TMEM151B: variants seen among roughly 807,000 people sequenced by gnomAD.
TMEM151B encodes the protein transmembrane protein 151B, also known as transmembrane protein 193.
Under a neutral mutation model 33.0 loss-of-function variants are expected in TMEM151B, and 18 were observed. The observed-to-expected ratio is 0.55, with a 90% confidence interval of 0.38 to 0.81. The LOEUF (loss-of-function observed/expected upper bound fraction) is 0.81, where lower values mean the gene tolerates loss of function less well. TMEM151B is among the 30% of genes least tolerant of loss of function. The probability of loss-of-function intolerance (pLI) is 0.00; values close to 1 mark genes in which losing one functional copy is unlikely to be tolerated. For missense variants in TMEM151B, 672 were observed against 843.4 expected (o/e 0.80, Z 2.52); for synonymous variants, 354 against 373.6 (o/e 0.95, Z 0.61).
intron 2 of TMEM151B, among the ~76,000 whole-genome samples, chr6:44,274,562 G>A (rs1782491613): frequency 6.6e-6 from 1 of 152,212 alleles, no homozygotes. Flanking sequence ...ACAGAAGCCT[G>A]GGGCGGGTGA....
rs1432302103 is a variant in TMEM151B at position 44,276,471 on chromosome 6, G to A, written c.1645G>A (p.Gly549Ser). The A allele has an allele frequency of 6.8e-7, 1 of 1,469,528 alleles. No homozygotes were observed. Among genetic ancestry groups the A allele is most frequent in the Non-Finnish European group, 9.0e-7 (1 of 1,110,628 alleles). The allele number at this position is 1,469,528 out of a possible 1,614,324, so 91.0% of individuals were successfully genotyped here. ...LIVHRQEGCL[G>S]HSHRPLHRHG... ...CGTCCACCGGCAGGAGGGGTGTCTGGGCCACAGCCACCGGCCGCTGCACCG... is the reference window on the plus strand; with the variant it reads ...CGTCCACCGGCAGGAGGGGTGTCTGAGCCACAGCCACCGGCCGCTGCACCG... Residue 549 changes from glycine (G) to serine (S), a missense_variant, in exon 3 of 3, where the codon GGC becomes AGC. Around this residue, in one of 3 missense-constraint regions of TMEM151B, gnomAD observed 324 missense variants for 363.1 expected, o/e 0.89. Coordinates refer to ENST00000451188, the MANE Select transcript of TMEM151B (RefSeq NM_001137560.2).
chr6:44,272,144 C>A (rs1225527038), intron 1 of TMEM151B, among the ~76,000 whole-genome samples: 8 of 152,122 alleles, frequency 5.3e-5, no homozygotes, highest in Non-Finnish European at 1.5e-5. Flanking sequence ...GTGCCAGGAG[C>A]TTTAACAGAC....
In TMEM151B at chr6:44,275,695, C is replaced by A; in HGVS notation, c.869C>A (p.Pro290Gln). Reference sequence around the variant, plus strand: ...GAGTTCATGGTGGCCTTCCCGGACCCGGCCCGGCCGCCCTGGTACGCCTGC... The same window carrying A: ...GAGTTCATGGTGGCCTTCCCGGACCAGGCCCGGCCGCCCTGGTACGCCTGC... ...FREFMVAFPD[P>Q]ARPPWYACSS... Residue 290 changes from proline (P) to glutamine (Q), a missense_variant, in exon 3 of 3, where the codon CCG becomes CAG. Pro to Gln is a moderately conservative substitution (Grantham distance 76). This residue lies in a region of TMEM151B where 285 missense variants were observed against 423.1 expected (regional missense o/e 0.67). Transcript: ENST00000451188. The A allele has an allele frequency of 6.4e-7, 1 of 1,550,718 alleles. No individual in the cohort carries two copies. The highest frequency in any genetic ancestry group is 1.2e-5 in the South Asian group (1 of 84,062).
intron 1 of TMEM151B, among the ~76,000 whole-genome samples, 163 bp from the exon 2 acceptor site, chr6:44,272,903 T>C (rs1782422745): frequency 6.6e-6 from 1 of 152,130 alleles, no homozygotes; most frequent in Non-Finnish European, 1.5e-5. Flanking sequence ...GGCCCCTGGC[T>C]CCCATCTTGG....
chr6:44,273,879 G>C lies in TMEM151B; in HGVS notation c.576+373G>C, dbSNP rs180758825. Among the ~76,000 whole-genome samples, 282 of 152,298 alleles carry C rather than the reference G, an allele frequency of 1.9e-3. 2 individuals are homozygous for C. The highest frequency in any genetic ancestry group is 6.4e-3 in the African/African-American group (265 of 41,570). Reference sequence around the variant, plus strand: ...GATGAGACTTGAACTCAATCAATCTGGCTCCAGGATCTCTATACTGTTTAG... The same window carrying C: ...GATGAGACTTGAACTCAATCAATCTCGCTCCAGGATCTCTATACTGTTTAG... On this transcript the variant is annotated intron_variant, in intron 2 of 2. Coordinates refer to ENST00000451188, the MANE Select transcript of TMEM151B (RefSeq NM_001137560.2).
Position 44,275,657 on chromosome 6 carries a change from C to A in TMEM151B, c.831C>A (p.Asn277Lys). 6.4e-7 allele frequency: 1 copy of A among 1,551,244 alleles called. No individual in the cohort carries two copies. Among genetic ancestry groups the A allele is most frequent in the Non-Finnish European group, 8.7e-7 (1 of 1,146,750 alleles). Residue 277 changes from asparagine (N) to lysine (K), a missense_variant, in exon 3 of 3, where the codon AAC (asparagine) becomes AAA (lysine). Transcript: ENST00000451188. ...MEAREGMHLK[N>K]VDFREFMVAF... ...CACGCGAGGGCATGCACCTCAAGAA[C>A]GTGGACTTCCGTGAGTTCATGGTGG...
At chr6:44,273,922 T>C (rs1377835713) in intron 2 of TMEM151B, among the ~76,000 whole-genome samples, 1 of 152,152 alleles carries the variant, frequency 6.6e-6, no homozygotes, top group Admixed American at 6.5e-5. Context: ...TGGATCTACT[T>C]AGTGATTAAT....
In TMEM151B at chr6:44,273,284, C is replaced by T. The variant is rs1226052237; in HGVS notation, c.354C>T (p.Ala118=). 1.3e-6 allele frequency: 2 copies of T among 1,551,824 alleles called. No individual in the cohort carries two copies. Among genetic ancestry groups the T allele is most frequent in the African/African-American group, 1.4e-5 (1 of 73,194 alleles). The change falls in exon 2 of 3, where the codon GCC becomes GCT. Residue 118 remains alanine (A), a synonymous_variant. Transcript: ENST00000451188. ...ACGGCTATGTCTACATCCCCCTGGC[C>T]TTCCTGCTCATGTTGTACGCCGTCT... The part of the protein sequence containing the change: ...CSNGYVYIPL[A]FLLMLYAVYL...
In TMEM151B at chr6:44,276,182, C is replaced by A; in HGVS notation, c.1356C>A (p.Ser452Arg). Reference protein sequence around the residue: ...SSSIFSRSALSICASPRAGPG... With the variant: ...SSSIFSRSALRICASPRAGPG... ...CTATCTTCTCGCGCAGCGCCCTAAG[C>A]ATCTGCGCCAGCCCGCGGGCCGGCC... is the stretch of plus-strand genomic sequence containing the variant. The change falls in exon 3 of 3, where the codon AGC becomes AGA. Residue 452 changes from serine to arginine, a missense_variant. This residue lies in a region of TMEM151B where 324 missense variants were observed against 363.1 expected (regional missense o/e 0.89). Transcript: ENST00000451188. 7.7e-7 allele frequency: 1 copy of A among 1,298,710 alleles called. No individual in the cohort carries two copies. Among genetic ancestry groups the A allele is most frequent in the Non-Finnish European group, 9.7e-7 (1 of 1,029,240 alleles). 80.4% of individuals were successfully genotyped at this position (1,298,710 alleles called of 1,614,324 possible).
In TMEM151B at chr6:44,272,119, A is replaced by G. The variant is rs1014357438; in HGVS notation, c.136-947A>G. Among the ~76,000 whole-genome samples, 4 of 152,098 alleles carry G rather than the reference A, an allele frequency of 2.6e-5. No individual in the cohort carries two copies. The South Asian group carries it at 8.3e-4, about 31-fold the overall frequency. On this transcript the variant is annotated intron_variant, in intron 1 of 2. Coordinates refer to ENST00000451188, the MANE Select transcript of TMEM151B (RefSeq NM_001137560.2). ...AGACATGTAAACAACTCCTGGGCCA[A>G]CCCTGGGACAGAATGTGCCAGGAGC...
At chr6:44,275,302 A>T (rs1038877680) in intron 2 of TMEM151B, 101 bp from the exon 3 acceptor site, 2 of 1,431,080 alleles carry the variant, frequency 1.4e-6, no homozygotes, top group African/African-American at 2.9e-5. Context: ...GGGTCCGACC[A>T]GGCAACCAGA....
At position 44,276,454 on chromosome 6, in the gene TMEM151B, G is replaced by A. The variant is rs1011340673; in HGVS notation, c.1628G>A (p.Arg543Gln). Reference sequence around the variant, plus strand: ...TACTTTCCGGTCCTCATCGTCCACCGGCAGGAGGGGTGTCTGGGCCACAGC... The same window carrying A: ...TACTTTCCGGTCCTCATCGTCCACCAGCAGGAGGGGTGTCTGGGCCACAGC... ...ALYFPVLIVH[R>Q]QEGCLGHSHR... Residue 543 changes from arginine (R) to glutamine (Q), a missense_variant, in exon 3 of 3, where the codon CGG becomes CAG. By Grantham distance (43) the Arg-to-Gln change is conservative (BLOSUM62 1). Coordinates refer to ENST00000451188, the MANE Select transcript of TMEM151B (RefSeq NM_001137560.2). 37 of 1,487,508 alleles carry A rather than the reference G, an allele frequency of 2.5e-5. No individual in the cohort carries two copies. In the East Asian group the frequency reaches 9.9e-4, roughly 40 times the overall value. 92.1% of individuals were successfully genotyped at this position (1,487,508 alleles called of 1,614,324 possible). A position where few individuals can be genotyped will look rare whatever the true frequency, so the allele number is the denominator to read the frequency against.
rs557789408 is a variant in TMEM151B, at chr6:44,275,484, A to G, written c.658A>G (p.Thr220Ala). 1.3e-6 allele frequency: 2 copies of G among 1,549,286 alleles called. No homozygotes were observed. Among genetic ancestry groups the G allele is most frequent in the African/African-American group, 2.7e-5 (2 of 73,132 alleles). The change falls in exon 3 of 3, where the codon ACG becomes GCG. Residue 220 changes from threonine to alanine, a missense_variant. This residue lies in a region of TMEM151B where 285 missense variants were observed against 423.1 expected (regional missense o/e 0.67). Transcript: ENST00000451188. ...CTGCGGCGTTCGCGACGTGTCCAAG[A>G]CGCTGGTGGGGCTGGAGGGCGCGCC... Reference protein sequence around the residue: ...ARCGVRDVSKTLVGLEGAPAT... With the variant: ...ARCGVRDVSKALVGLEGAPAT...
intron 2 of TMEM151B, among the ~76,000 whole-genome samples, chr6:44,275,137 G>C (rs1245163429): frequency 7.2e-6 from 1 of 138,626 alleles, no homozygotes; most frequent in Non-Finnish European, 1.6e-5. Context: ...AAAAAAAAAA[G>C]AAAAAGAAAA....
In TMEM151B at chr6:44,270,614, C is replaced by T. The variant is rs994962599; in HGVS notation, c.-129C>T. Reference sequence around the variant, plus strand: ...CCCGGTGCCCTTTCCGGGCCCCCTCCCCCGGCGGGGGGTGGGGAGCAGCGA... The same window carrying T: ...CCCGGTGCCCTTTCCGGGCCCCCTCTCCCGGCGGGGGGTGGGGAGCAGCGA... On this transcript the variant is annotated 5_prime_UTR_variant, in exon 1 of 3. Coordinates refer to ENST00000451188, the MANE Select transcript of TMEM151B (RefSeq NM_001137560.2). The T allele has an allele frequency of 4.6e-6, 1 of 215,920 alleles. No homozygotes were observed. Among genetic ancestry groups the T allele is most frequent in the Non-Finnish European group, 9.0e-6 (1 of 111,290 alleles). 13.4% of individuals were successfully genotyped at this position (215,920 alleles called of 1,614,324 possible).
At chr6:44,271,936 A>G (rs542030868) in intron 1 of TMEM151B, among the ~76,000 whole-genome samples, 2 of 150,490 alleles carry the variant, frequency 1.3e-5, no homozygotes, top group East Asian at 3.9e-4. Context: ...AAAGCTAGAC[A>G]GCACAGAGGA....
Position 44,279,003 on chromosome 6 carries a change from TGGTGC to T in TMEM151B, c.*2477_*2481del, listed in dbSNP as rs1331394349. On this transcript the variant is annotated 3_prime_UTR_variant, in exon 3 of 3. Coordinates refer to ENST00000451188, the MANE Select transcript of TMEM151B (RefSeq NM_001137560.2). Reference sequence around the variant, plus strand: ...CATGCAGTCACTCCCAAGCCCCCTTTGGTGCTCTGCTCAGCGCCTGCTTAGCGGAA... The same window carrying T: ...CATGCAGTCACTCCCAAGCCCCCTTTTCTGCTCAGCGCCTGCTTAGCGGAA... 1 of 152,210 alleles carries T rather than the reference TGGTGC, an allele frequency of 6.6e-6. No individual in the cohort carries two copies. The highest frequency in any genetic ancestry group is 1.9e-4 in the East Asian group (1 of 5,188). 9.4% of individuals were successfully genotyped at this position (152,210 alleles called of 1,614,324 possible). A position where few individuals can be genotyped will look rare whatever the true frequency, so the allele number is the denominator to read the frequency against.
chr6:44,274,254 A>G (rs925480937), intron 2 of TMEM151B, among the ~76,000 whole-genome samples: 52 of 152,326 alleles, frequency 3.4e-4, no homozygotes, highest in Admixed American at 1.1e-3. Flanking sequence ...CATGCCCAGT[A>G]TCATAGCATG....
intron 1 of TMEM151B, among the ~76,000 whole-genome samples, chr6:44,271,946 A>AT (rs1399196085): frequency 4.7e-5 from 7 of 150,046 alleles, no homozygotes; most frequent in Admixed American, 4.6e-4. Context: ...AGCACAGAGG[A>AT]GGGGTGGGAA....
Sources: gnomAD v4.1 joint callset for allele counts (sites outside exome capture counted in the v4.1 genomes callset) on GRCh38, gnomAD v4.1.1 for gene constraint, gnomAD v4.1.1 regional missense constraint, MANE v1.5 for transcripts, NCBI Gene and HGNC (gene_info 2026-07-23, HGNC 2026-07-21) for gene names.